Variants in MACROD2 observed in about 807,000 individuals in gnomAD.
MACROD2 encodes the protein ADP-ribose glycohydrolase MACROD2.
In MACROD2, 36 loss-of-function variants were observed where a neutral mutation model predicts 70.4. That is an observed-to-expected ratio of 0.51 (90% CI 0.39 to 0.68). The LOEUF is 0.68. MACROD2 is among the 30% of genes least tolerant of loss of function. MACROD2 has a pLI of 0.00. For synonymous variants in MACROD2, 172 were observed against 178.8 expected, an observed-to-expected ratio of 0.96 and a Z score of 0.30; for missense variants, 496 against 538.4, an observed-to-expected ratio of 0.92 and a Z score of 0.78.
chr20:14,719,834 C>T (rs565361136), intron 5 of MACROD2, among the ~76,000 whole-genome samples: 122 of 152,284 alleles, frequency 8.0e-4, no homozygotes, highest in Non-Finnish European at 1.0e-3. Context: ...CCCTGCTCTC[C>T]ATGTGTGCGC....
chr20:14,796,371 C>G (rs2072509998), intron 5 of MACROD2, among the ~76,000 whole-genome samples: 1 of 152,028 alleles, frequency 6.6e-6, no homozygotes, highest in East Asian at 1.9e-4. Context: ...TAGTAACCAC[C>G]GTAGGACAGA....
chr20:14,403,407 A>T (rs1229170139), intron 3 of MACROD2, among the ~76,000 whole-genome samples: 4 of 152,174 alleles, frequency 2.6e-5, no homozygotes, highest in African/African-American at 9.7e-5. Context: ...GCTTTATTTT[A>T]AATAAAAATC....
chr20:15,710,665 T>C (rs1388265030), intron 8 of MACROD2, among the ~76,000 whole-genome samples: 1 of 152,262 alleles, frequency 6.6e-6, no homozygotes, highest in Non-Finnish European at 1.5e-5. Flanking sequence ...TCTTTTATTA[T>C]GTTGTTTTAC....
chr20:14,008,382 A>T (rs2052851454), intron 2 of MACROD2, among the ~76,000 whole-genome samples: 1 of 152,212 alleles, frequency 6.6e-6, no homozygotes, highest in Non-Finnish European at 1.5e-5. Context: ...GTTGCCACAA[A>T]AAGAATAAAA....
intron 8 of MACROD2, among the ~76,000 whole-genome samples, chr20:15,535,622 T>G (rs1158629639): frequency 1.3e-5 from 2 of 152,180 alleles, no homozygotes; most frequent in African/African-American, 4.8e-5. Context: ...GAAGAATCCT[T>G]AAACAGAAGA....
chr20:14,140,626 T>G (rs187344459), intron 3 of MACROD2, among the ~76,000 whole-genome samples: 8 of 152,296 alleles, frequency 5.3e-5, no homozygotes, highest in African/African-American at 1.7e-4. Flanking sequence ...TTCTTTTTTC[T>G]TTTTTTGCTT....
At chr20:15,375,156 C>A (rs1395535623) in intron 6 of MACROD2, among the ~76,000 whole-genome samples, 1 of 152,158 alleles carries the variant, frequency 6.6e-6, no homozygotes, top group Non-Finnish European at 1.5e-5. Context: ...TTATTTAACT[C>A]AGAAAGTCCA....
intron 8 of MACROD2, among the ~76,000 whole-genome samples, chr20:15,800,642 G>A (rs2063715894): frequency 6.6e-6 from 1 of 152,116 alleles, no homozygotes; most frequent in African/African-American, 2.4e-5. Flanking sequence ...CCCCTACTGG[G>A]AAGCGAGGAG....
At chr20:15,870,554 G>A (rs74272616) in intron 9 of MACROD2, among the ~76,000 whole-genome samples, 3,872 of 152,158 alleles carry the variant, frequency 0.025, 110 homozygotes, top group East Asian at 0.13. Flanking sequence ...GGAGGGATTG[G>A]TGTCATTATA....
intron 8 of MACROD2, among the ~76,000 whole-genome samples, chr20:15,547,401 T>A (rs1232546659): frequency 6.6e-6 from 1 of 152,202 alleles, no homozygotes; most frequent in Non-Finnish European, 1.5e-5. Context: ...CCTATCGCCA[T>A]CATTTTTTCC....
At chr20:15,262,626 G>A (rs1306759901) in intron 6 of MACROD2, among the ~76,000 whole-genome samples, 1 of 152,068 alleles carries the variant, frequency 6.6e-6, no homozygotes, top group African/African-American at 2.4e-5. Flanking sequence ...CCTCCAAACT[G>A]TTCTCCATAG....
At chr20:15,761,662 T>C (rs1030147062) in intron 8 of MACROD2, among the ~76,000 whole-genome samples, 3 of 152,202 alleles carry the variant, frequency 2.0e-5, no homozygotes, top group African/African-American at 7.2e-5. Flanking sequence ...GTTGGGGCTA[T>C]GGTGTGGTGA....
chr20:14,066,914 C>A (rs1013655532), intron 2 of MACROD2, among the ~76,000 whole-genome samples: 2 of 147,196 alleles, frequency 1.4e-5, no homozygotes, highest in African/African-American at 5.0e-5. Flanking sequence ...TGGGTTCATA[C>A]CATTCTCCTG....
chr20:16,025,003 T>A (rs2067057773), intron 15 of MACROD2, among the ~76,000 whole-genome samples: 1 of 152,238 alleles, frequency 6.6e-6, no homozygotes, highest in Admixed American at 6.5e-5. Context: ...AAATCAAAAC[T>A]GGATTGCCTT....
At chr20:15,949,236 T>C (rs1388348668) in intron 12 of MACROD2, among the ~76,000 whole-genome samples, 1 of 152,192 alleles carries the variant, frequency 6.6e-6, no homozygotes, top group Non-Finnish European at 1.5e-5. Context: ...TTTAAAGTGC[T>C]TACAGCAGCT....
chr20:14,574,784 G>T (rs1470515955), intron 4 of MACROD2, among the ~76,000 whole-genome samples: 2 of 150,100 alleles, frequency 1.3e-5, no homozygotes, highest in Non-Finnish European at 3.0e-5. Context: ...GGCCGGGGCG[G>T]GTGGATCATG....
chr20:14,388,678 C>T (rs1453701648), intron 3 of MACROD2, among the ~76,000 whole-genome samples: 2 of 152,158 alleles, frequency 1.3e-5, no homozygotes, highest in African/African-American at 4.8e-5. Flanking sequence ...AGGCCATCTG[C>T]AGCCGCAGAC....
chr20:13,995,900 C>A lies in MACROD2; in HGVS notation c.46+91C>A. The A allele has an allele frequency of 4.1e-6, 6 of 1,447,372 alleles. No individual in the cohort carries two copies. The highest frequency in any genetic ancestry group is 5.7e-6 in the Non-Finnish European group (6 of 1,057,096). The allele number at this position is 1,447,372 out of a possible 1,614,324, so 89.7% of individuals were successfully genotyped here. The stretch of plus-strand genomic sequence containing the variant: ...TGTGTGTGCCGCGGCGCCCTCCGCC[C>A]GAGCTCCCGCCTCGCGCCCTCCCGG... On this transcript the variant is annotated intron_variant, in intron 1 of 17. Coordinates refer to ENST00000684519, the MANE Select transcript of MACROD2 (RefSeq NM_001351661.2). The surrounding 1 kb of genome is among the most constrained non-coding windows in gnomAD (Gnocchi z 4.3).
At chr20:15,725,773 G>A (rs967533145) in intron 8 of MACROD2, among the ~76,000 whole-genome samples, 1 of 151,224 alleles carries the variant, frequency 6.6e-6, no homozygotes, top group Non-Finnish European at 1.5e-5. Flanking sequence ...TCTATATGTA[G>A]GTCCTGTAAA....
Sources: gnomAD v4.1 joint callset for allele counts (sites outside exome capture counted in the v4.1 genomes callset) on GRCh38, gnomAD v4.1.1 for gene constraint, Gnocchi (gnomAD v3.1) non-coding constraint, MANE v1.5 for transcripts, NCBI Gene and HGNC (gene_info 2026-07-23, HGNC 2026-07-21) for gene names.